The following PACSIN2 variants were observed in gnomAD, a reference collection of about 807,000 sequenced individuals.
PACSIN2 encodes protein kinase C and casein kinase substrate in neurons 2.
Under a neutral mutation model 63.8 loss-of-function variants are expected in PACSIN2, and 25 were observed. The observed-to-expected ratio is 0.39, with a 90% confidence interval of 0.29 to 0.55. The LOEUF is 0.55. Among genes scored for constraint, PACSIN2 ranks in the 20% least tolerant of loss-of-function variants. The probability of loss-of-function intolerance (pLI) is 0.62; values close to 1 mark genes in which losing one functional copy is unlikely to be tolerated. For synonymous variants in PACSIN2, 255 were observed against 256.2 expected (o/e 1.00, Z 0.05); for missense variants, 518 against 646.9 (o/e 0.80, Z 2.16).
chr22:42,925,975 C>G (rs976322958), intron 1 of PACSIN2, among the ~76,000 whole-genome samples: 9 of 152,164 alleles, frequency 5.9e-5, no homozygotes, highest in Non-Finnish European at 1.3e-4. Context: ...CTCTACCACC[C>G]AGGTCACCCC....
intron 1 of PACSIN2, among the ~76,000 whole-genome samples, chr22:42,994,247 G>C (rs1923246810): frequency 6.6e-6 from 1 of 152,210 alleles, no homozygotes; most frequent in Admixed American, 6.5e-5. Flanking sequence ...TGAGCAGGGG[G>C]ACAGGCCTGC....
intron 1 of PACSIN2, among the ~76,000 whole-genome samples, chr22:42,912,425 C>T (rs181981291): frequency 5.9e-5 from 9 of 152,280 alleles, no homozygotes; most frequent in Non-Finnish European, 1.0e-4. Flanking sequence ...TTGCCCATCC[C>T]GACCTACTCT....
In PACSIN2 at chr22:42,983,505, A is replaced by AC. The variant is rs1410530187; in HGVS notation, c.-78+31515_-78+31516insG. Reference sequence around the variant, plus strand: ...ACTCCATCTCAAAAAAAAAAAAAAAAAAACAGATATTGAAGGCAATAAATT... The same window carrying AC: ...ACTCCATCTCAAAAAAAAAAAAAAAACAAACAGATATTGAAGGCAATAAATT... On this transcript the variant is annotated intron_variant, in intron 1 of 10. Coordinates refer to ENST00000263246, the MANE Select transcript of PACSIN2 (RefSeq NM_001184970.3). Among the ~76,000 whole-genome samples, 20 of 151,698 alleles carry AC rather than the reference A, an allele frequency of 1.3e-4. No homozygotes were observed. The East Asian group carries it at 3.1e-3, about 23-fold the overall frequency.
intron 10 of PACSIN2, 95 bp downstream of exon 10, chr22:42,876,042 G>A: frequency 9.3e-7 from 1 of 1,076,150 alleles, no homozygotes; most frequent in Non-Finnish European, 1.3e-6. Context: ...AGTGAAACTA[G>A]CAAGAACTTT....
intron 1 of PACSIN2, among the ~76,000 whole-genome samples, chr22:42,976,777 A>G (rs556259252): frequency 8.5e-5 from 13 of 152,264 alleles, no homozygotes; most frequent in African/African-American, 3.1e-4. Context: ...CCTTCCATCA[A>G]CCCTATACAG....
intron 1 of PACSIN2, 122 bp downstream of exon 1, chr22:43,014,899 G>A (rs1466900739): frequency 3.3e-5 from 5 of 150,054 alleles, no homozygotes. Context: ...GCTTCCCTCA[G>A]GGCGCGGAGC....
intron 1 of PACSIN2, among the ~76,000 whole-genome samples, chr22:42,914,071 T>C (rs1196738494): frequency 6.6e-6 from 1 of 152,196 alleles, no homozygotes; most frequent in Non-Finnish European, 1.5e-5. Flanking sequence ...CTAAGATGCA[T>C]GCACGCTCCT....
chr22:42,915,304 C>T (rs944541378), intron 1 of PACSIN2, among the ~76,000 whole-genome samples: 2 of 152,178 alleles, frequency 1.3e-5, no homozygotes, highest in African/African-American at 2.4e-5. Flanking sequence ...GGGCATCAGA[C>T]AGGACATATG....
At chr22:42,886,982 C>T (rs1212072249) in intron 5 of PACSIN2, among the ~76,000 whole-genome samples, 1 of 152,224 alleles carries the variant, frequency 6.6e-6, no homozygotes, top group African/African-American at 2.4e-5. Flanking sequence ...CACAGGCACG[C>T]CCCCGCCCAA....
intron 1 of PACSIN2, among the ~76,000 whole-genome samples, chr22:43,002,633 A>G (rs949891972): frequency 2.6e-5 from 4 of 152,134 alleles, no homozygotes; most frequent in Admixed American, 2.6e-4. Flanking sequence ...AAGCAGCAAG[A>G]CAGGCTTTCA....
chr22:42,901,897 C>T (rs141706841), intron 2 of PACSIN2, among the ~76,000 whole-genome samples: 148 of 152,222 alleles, frequency 9.7e-4, no homozygotes, highest in Non-Finnish European at 1.7e-3. Flanking sequence ...CGTGGTTCAG[C>T]TCGGACCAGC....
intron 1 of PACSIN2, among the ~76,000 whole-genome samples, chr22:42,942,388 T>C (rs772382702): frequency 6.6e-6 from 1 of 152,214 alleles, no homozygotes; most frequent in African/African-American, 2.4e-5. Context: ...TACCCACTTT[T>C]TTCTTTTGTT....
chr22:42,902,909 C>T lies in PACSIN2; in HGVS notation c.60+9112G>A, dbSNP rs186004724. ...GAATACAGGTGTGAGCCACCGCGCCCGGCCTATTTATCAGTTCTCAATCCT... is the reference window on the plus strand; with the variant it reads ...GAATACAGGTGTGAGCCACCGCGCCTGGCCTATTTATCAGTTCTCAATCCT... On this transcript the variant is annotated intron_variant, in intron 2 of 10. Coordinates refer to ENST00000263246, the MANE Select transcript of PACSIN2 (RefSeq NM_001184970.3). Among the ~76,000 whole-genome samples, 5 of 152,188 alleles carry T rather than the reference C, an allele frequency of 3.3e-5. No homozygotes were observed. In the South Asian group the frequency reaches 6.2e-4, roughly 19 times the overall value.
intron 1 of PACSIN2, among the ~76,000 whole-genome samples, chr22:42,923,531 C>A (rs1427601827): frequency 2.6e-5 from 4 of 152,106 alleles, no homozygotes; most frequent in African/African-American, 9.7e-5. Flanking sequence ...GGGTTCACGC[C>A]ATTCTCCTGC....
chr22:43,010,398 A>ATATATATATATAT, intron 1 of PACSIN2, among the ~76,000 whole-genome samples: 1 of 126,394 alleles, frequency 7.9e-6, no homozygotes, highest in African/African-American at 2.8e-5. Flanking sequence ...ATATATATAT[A>ATATATATATATAT]TTTTTTTTTA....
chr22:42,903,705 G>A (rs1169265809), intron 2 of PACSIN2, among the ~76,000 whole-genome samples: 1 of 152,164 alleles, frequency 6.6e-6, no homozygotes, highest in Non-Finnish European at 1.5e-5. Context: ...ATGAGGTGAT[G>A]CTATTTACCT....
intron 1 of PACSIN2, among the ~76,000 whole-genome samples, chr22:42,982,884 A>AAAAAC (rs1569350320): frequency 4.4e-5 from 6 of 137,804 alleles, no homozygotes; most frequent in African/African-American, 1.4e-4. Flanking sequence ...AAAAAAAAAA[A>AAAAAC]AAAAAACAAC....
intron 1 of PACSIN2, among the ~76,000 whole-genome samples, chr22:42,946,215 T>C (rs140022995): frequency 6.6e-6 from 1 of 152,266 alleles, no homozygotes; most frequent in Non-Finnish European, 1.5e-5. Context: ...TTAAACTGCA[T>C]GTGAGCATAA....
intron 1 of PACSIN2, among the ~76,000 whole-genome samples, chr22:42,956,362 G>A (rs995535896): frequency 3.0e-4 from 45 of 152,200 alleles, no homozygotes; most frequent in Admixed American, 2.5e-3. Flanking sequence ...CAGGGCTGGA[G>A]GAGACGTCAG....
Sources: allele counts gnomAD v4.1 joint callset (sites outside exome capture counted in the v4.1 genomes callset), GRCh38; gene constraint gnomAD v4.1.1; transcripts MANE v1.5; gene names NCBI Gene and HGNC (gene_info 2026-07-23, HGNC 2026-07-21).